Variants in PCDHGB6 observed in about 807,000 individuals in gnomAD.
PCDHGB6 encodes protocadherin gamma-B6.
In PCDHGB6, 51 loss-of-function variants were observed where a neutral mutation model predicts 59.1. The observed-to-expected ratio is 0.86, with a 90% CI of 0.69 to 1.09. The LOEUF (loss-of-function observed/expected upper bound fraction) is 1.09, where lower values mean the gene tolerates loss of function less well. PCDHGB6 is among the 50% of genes least tolerant of loss of function. The pLI is 0.00. For missense variants in PCDHGB6, 1,148 were observed against 1,205.1 expected, an observed-to-expected ratio of 0.95 and a Z score of 0.70; for synonymous variants, 466 against 495.1, an observed-to-expected ratio of 0.94 and a Z score of 0.78.
chr5:141,418,938 C>A, intron 1 of PCDHGB6: 3 of 1,613,738 alleles, frequency 1.9e-6, no homozygotes, highest in Non-Finnish European at 2.5e-6. Flanking sequence ...ATGGAGGATT[C>A]CCCTCCAGGA....
At chr5:141,494,755 C>T (rs1246224213) in intron 1 of PCDHGB6, 52 bp from the exon 2 acceptor site, 18 of 1,613,724 alleles carry the variant, frequency 1.1e-5, no homozygotes, top group African/African-American at 1.3e-5. Context: ...GCTCGGGTGA[C>T]ATTCTAACTT....
Position 141,485,538 on chromosome 5 carries a change from A to T in PCDHGB6, c.2419-9269A>T. ...TTGGAAATGTACCGAGCAGAGGTAG[A>T]GATCGTAGATGTGAATGATCACGCC... On this transcript the variant is annotated intron_variant, in intron 1 of 3. Transcript: ENST00000520790. The surrounding 1 kb of genome is among the most constrained non-coding windows in gnomAD (Gnocchi z 5.7). The T allele has an allele frequency of 6.2e-7, 1 of 1,614,162 alleles. No individual in the cohort carries two copies. Among genetic ancestry groups the T allele is most frequent in the Admixed American group, 1.7e-5 (1 of 60,012 alleles).
chr5:141,474,412 C>T (rs1282336092), intron 1 of PCDHGB6, among the ~76,000 whole-genome samples: 2 of 152,220 alleles, frequency 1.3e-5, no homozygotes, highest in African/African-American at 2.4e-5. Context: ...CCGGTGATGC[C>T]TAGACCATTG....
At chr5:141,466,058 C>T (rs970494567) in intron 1 of PCDHGB6, among the ~76,000 whole-genome samples, 2 of 152,046 alleles carry the variant, frequency 1.3e-5, no homozygotes, top group African/African-American at 4.8e-5. Flanking sequence ...GGAGACGGAG[C>T]TTGCAGTGAG....
At chr5:141,473,809 A>C (rs1230574978) in intron 1 of PCDHGB6, among the ~76,000 whole-genome samples, 2 of 152,242 alleles carry the variant, frequency 1.3e-5, no homozygotes, top group East Asian at 3.8e-4. Flanking sequence ...ACTGAGGAGC[A>C]GCTGGACAAT....
At chr5:141,475,760 C>T (rs1480762060) in intron 1 of PCDHGB6, among the ~76,000 whole-genome samples, 1 of 152,286 alleles carries the variant, frequency 6.6e-6, no homozygotes, top group Non-Finnish European at 1.5e-5. Flanking sequence ...TGCACCGATA[C>T]TGGCAAGGCG....
Position 141,510,977 on chromosome 5 carries a change from G to T in PCDHGB6, c.2597G>T (p.Gly866Val). 1.2e-6 allele frequency: 2 copies of T among 1,614,170 alleles called. No individual in the cohort carries two copies. Among genetic ancestry groups the T allele is most frequent in the Non-Finnish European group, 1.7e-6 (2 of 1,180,020 alleles). The change falls in exon 4 of 4, where the codon GGG becomes GTG. Residue 866 changes from glycine to valine, a missense_variant. Physicochemically the swap from Gly to Val is moderately radical, Grantham distance 109. Around this residue, in one of 5 missense-constraint regions of PCDHGB6, gnomAD observed 283 missense variants for 318.6 expected, o/e 0.89. Transcript: ENST00000520790. ...GCTGATGGGAGCTCCACCCTGGGAG[G>T]GGGTGCCGGCACCATGGGATTGAGC... ...EAADGSSTLG[G>V]GAGTMGLSAR...
In PCDHGB6 at chr5:141,491,105, C is replaced by T; in HGVS notation, c.2419-3702C>T. ...ACAGCCCCAGGACTGTTCCTCGTGTCTACACACACTGGTGAGGTGCGCACA... is the reference window on the plus strand; with the variant it reads ...ACAGCCCCAGGACTGTTCCTCGTGTTTACACACACTGGTGAGGTGCGCACA... On this transcript the variant is annotated intron_variant, in intron 1 of 3. Transcript: ENST00000520790. This position sits in a 1 kb window ranked among gnomAD's most constrained non-coding sequence, Gnocchi z 6.9. 1 of 1,614,222 alleles carries T rather than the reference C, an allele frequency of 6.2e-7. No individual in the cohort carries two copies. Among genetic ancestry groups the T allele is most frequent in the Non-Finnish European group, 8.5e-7 (1 of 1,180,032 alleles).
At chr5:141,483,084 CA>C (rs898059463) in intron 1 of PCDHGB6, among the ~76,000 whole-genome samples, 4 of 150,440 alleles carry the variant, frequency 2.7e-5, no homozygotes, top group Middle Eastern at 3.4e-3. Flanking sequence ...GACTCCATCT[CA>C]AAAAAAAAGT....
chr5:141,432,991 C>G lies in PCDHGB6; in HGVS notation c.2418+22371C>G, dbSNP rs1269992849. ...CGGCGTCGCACTTTGTGGGCGTGGACGGGGTGCAGGCTTTCCTGCAGACCT... is the reference window on the plus strand; with the variant it reads ...CGGCGTCGCACTTTGTGGGCGTGGAGGGGGTGCAGGCTTTCCTGCAGACCT... On this transcript the variant is annotated intron_variant, in intron 1 of 3. Transcript: ENST00000520790. The surrounding 1 kb of genome is among the most constrained non-coding windows in gnomAD (Gnocchi z 6.0). The G allele has an allele frequency of 6.2e-7, 1 of 1,614,200 alleles. No homozygotes were observed. Among genetic ancestry groups the G allele is most frequent in the Admixed American group, 1.7e-5 (1 of 60,032 alleles).
Position 141,491,732 on chromosome 5 carries a change from C to G in PCDHGB6, c.2419-3075C>G. ...GGCTCGGCGCCGCCCCGGGCGACCC[C>G]TGGGGGCGGCACTGGAGAAGCCGCC... On this transcript the variant is annotated intron_variant, in intron 1 of 3. Coordinates refer to ENST00000520790, the MANE Select transcript of PCDHGB6 (RefSeq NM_018926.3). This position sits in a 1 kb window ranked among gnomAD's most constrained non-coding sequence, Gnocchi z 6.9. The G allele has an allele frequency of 1.2e-6, 2 of 1,602,752 alleles. No individual in the cohort carries two copies. Among genetic ancestry groups the G allele is most frequent in the Non-Finnish European group, 1.7e-6 (2 of 1,175,308 alleles).
chr5:141,421,418 G>C, intron 1 of PCDHGB6: 1 of 1,614,086 alleles, frequency 6.2e-7, no homozygotes, highest in Middle Eastern at 1.7e-4. Context: ...GCGAAGCGCG[G>C]AGTCCGCATC....
At chr5:141,451,154 TTTTTGGTAGTATA>T (rs2098709149) in intron 1 of PCDHGB6, among the ~76,000 whole-genome samples, 1 of 152,152 alleles carries the variant, frequency 6.6e-6, no homozygotes, top group Non-Finnish European at 1.5e-5. Flanking sequence ...ACTAGACATT[TTTTTGGTAGTATA>T]TTATTTAGCC....
intron 1 of PCDHGB6, among the ~76,000 whole-genome samples, chr5:141,456,707 G>A (rs1198079338): frequency 6.6e-6 from 1 of 152,208 alleles, no homozygotes; most frequent in African/African-American, 2.4e-5. Context: ...GCTCGCGCCT[G>A]TAATCCCAGC....
rs759433257 is a variant in PCDHGB6 at position 141,409,920 on chromosome 5, C to T, written c.1718C>T (p.Ala573Val). ...CCAGCTCTGGGTCCTGACGGCTCCGCGTTCTTCGATATGGTACCTCGCTCT... is the reference window on the plus strand; with the variant it reads ...CCAGCTCTGGGTCCTGACGGCTCCGTGTTCTTCGATATGGTACCTCGCTCT... Reference protein sequence around the residue: ...LYPALGPDGSAFFDMVPRSAE... With the variant: ...LYPALGPDGSVFFDMVPRSAE... Residue 573 changes from alanine to valine, a missense_variant, in exon 1 of 4, where the codon GCG (alanine) becomes GTG (valine). Physicochemically the swap from Ala to Val is moderately conservative, Grantham distance 64. This residue lies in a region of PCDHGB6 where 549 missense variants were observed against 527.5 expected (regional missense o/e 1.04). Transcript: ENST00000520790. 1.2e-6 allele frequency: 2 copies of T among 1,613,400 alleles called. No individual in the cohort carries two copies. The highest frequency in any genetic ancestry group is 1.7e-6 in the Non-Finnish European group (2 of 1,179,776).
intron 1 of PCDHGB6, chr5:141,418,494 T>TGATGGTGGG: frequency 6.2e-7 from 1 of 1,614,020 alleles, no homozygotes; most frequent in Non-Finnish European, 8.5e-7. Context: ...CACTTGGTAC[T>TGATGGTGGG]GACCGCCTTA....
In PCDHGB6 at chr5:141,512,843, T is replaced by G. The variant is rs2099884463; in HGVS notation, c.*1670T>G. ...CCCTCCCCCGTACTGACTTCTCCTATAAGCGCTTCTCTTCGCATAGTCACG... is the reference window on the plus strand; with the variant it reads ...CCCTCCCCCGTACTGACTTCTCCTAGAAGCGCTTCTCTTCGCATAGTCACG... On this transcript the variant is annotated 3_prime_UTR_variant, in exon 4 of 4. Coordinates refer to ENST00000520790, the MANE Select transcript of PCDHGB6 (RefSeq NM_018926.3). 6.6e-6 allele frequency: 1 copy of G among 152,290 alleles called. No individual in the cohort carries two copies. The highest frequency in any genetic ancestry group is 1.5e-5 in the Non-Finnish European group (1 of 68,088). 9.4% of individuals were successfully genotyped at this position (152,290 alleles called of 1,614,324 possible).
At chr5:141,507,009 C>T (rs988626142) in intron 3 of PCDHGB6, 1 of 152,154 alleles carries the variant, frequency 6.6e-6, no homozygotes, top group South Asian at 2.1e-4. Context: ...ATGAGAGAAC[C>T]GAGAAGGCAC....
intron 1 of PCDHGB6, among the ~76,000 whole-genome samples, chr5:141,494,199 G>A (rs1033914239): frequency 1.3e-5 from 2 of 152,160 alleles, no homozygotes; most frequent in South Asian, 2.1e-4. Context: ...TGGATGCCCC[G>A]CAAAGGCCCA....
Sources: gnomAD v4.1 joint callset for allele counts (sites outside exome capture counted in the v4.1 genomes callset) on GRCh38, gnomAD v4.1.1 for gene constraint, gnomAD v4.1.1 regional missense constraint, Gnocchi (gnomAD v3.1) non-coding constraint, MANE v1.5 for transcripts, NCBI Gene and HGNC (gene_info 2026-07-23, HGNC 2026-07-21) for gene names.